Variants in BLOC1S3 observed in about 807,000 individuals in gnomAD.
The protein encoded by BLOC1S3 is biogenesis of lysosome-related organelles complex 1 subunit 3.
In BLOC1S3, 7 loss-of-function variants were observed where a neutral mutation model predicts 9.1. The observed-to-expected ratio is 0.77, with a 90% confidence interval of 0.44 to 1.45. The LOEUF (loss-of-function observed/expected upper bound fraction) is 1.45, where lower values mean the gene tolerates loss of function less well. BLOC1S3 is among the 40% of genes most tolerant of loss of function. BLOC1S3 has a pLI of 0.01. For missense variants in BLOC1S3, 307 were observed against 315.2 expected (o/e 0.97, Z 0.20); for synonymous variants, 145 against 158.4 (o/e 0.92, Z 0.64).
Position 45,179,230 on chromosome 19 carries a change from G to C in BLOC1S3, c.-9-58G>C. The C allele has an allele frequency of 7.0e-7, 1 of 1,436,522 alleles. No individual in the cohort carries two copies. The highest frequency in any genetic ancestry group is 9.1e-7 in the Non-Finnish European group (1 of 1,097,974). 89.0% of individuals were successfully genotyped at this position (1,436,522 alleles called of 1,614,324 possible). ...AAGGGGCTGGGAATCCAGGACCTGC[G>C]CCTTTTACCCACCGCGGCGCCGGTC... On this transcript the variant is annotated intron_variant, in intron 1 of 1. Transcript: ENST00000433642. The surrounding 1 kb of genome is among the most constrained non-coding windows in gnomAD (Gnocchi z 4.6).
At chr19:45,190,233 T>G (rs12972031) in intron 2 of BLOC1S3, among the ~76,000 whole-genome samples, 55,277 of 150,888 alleles carry the variant, frequency 0.37, 11,013 homozygotes, top group Admixed American at 0.44. Flanking sequence ...ATTTTTCAAC[T>G]CCAGAACTTC....
chr19:45,194,465 G>A (rs977453211), intron 2 of BLOC1S3, among the ~76,000 whole-genome samples: 3 of 152,040 alleles, frequency 2.0e-5, no homozygotes, highest in Non-Finnish European at 2.9e-5. Flanking sequence ...ATACACCCGC[G>A]ATCGTTCCAT....
At chr19:45,207,672 G>GAATT (rs1969738279) in intron 3 of BLOC1S3, among the ~76,000 whole-genome samples, 2 of 151,382 alleles carry the variant, frequency 1.3e-5, no homozygotes, top group South Asian at 4.2e-4. Context: ...AGGAGGTGGA[G>GAATT]GTTGCAGAGA....
intron 2 of BLOC1S3, among the ~76,000 whole-genome samples, chr19:45,193,225 T>G (rs909746095): frequency 6.6e-5 from 10 of 151,514 alleles, no homozygotes; most frequent in Admixed American, 6.6e-4. Context: ...CCAGGTACTG[T>G]GTTCGCTCAC....
intron 2 of BLOC1S3, among the ~76,000 whole-genome samples, chr19:45,191,578 G>A (rs1969607601): frequency 6.6e-6 from 1 of 152,288 alleles, no homozygotes; most frequent in Non-Finnish European, 1.5e-5. Context: ...GGCTTTCCAG[G>A]TATTGAAAAG....
At chr19:45,183,030 G>A (rs1406769571), downstream of BLOC1S3, among the ~76,000 whole-genome samples, 1 of 152,144 alleles carries the variant, frequency 6.6e-6, no homozygotes, top group African/African-American at 2.4e-5. Context: ...GCATATGCGA[G>A]GGCCCTGAGG....
chr19:45,209,966 G>A (rs1001963481), intron 3 of BLOC1S3, among the ~76,000 whole-genome samples: 3 of 151,706 alleles, frequency 2.0e-5, no homozygotes, highest in African/African-American at 2.4e-5. Flanking sequence ...TCCTGACCTC[G>A]TGATCCGCCC....
At chr19:45,207,516 T>A in intron 3 of BLOC1S3, among the ~76,000 whole-genome samples, 1 of 124,992 alleles carries the variant, frequency 8.0e-6, no homozygotes, top group African/African-American at 3.0e-5. Context: ...GCTACTGCAC[T>A]CCACACTCCA....
intron 3 of BLOC1S3, among the ~76,000 whole-genome samples, chr19:45,206,462 T>TTTTTTTTTTTG (rs1969727985): frequency 2.6e-5 from 3 of 115,446 alleles, no homozygotes; most frequent in African/African-American, 3.6e-5. Context: ...TTTTTTTTTT[T>TTTTTTTTTTTG]TTTTTTTTTT....
chr19:45,212,902 T>G (rs1208789812), intron 3 of BLOC1S3: 2 of 727,480 alleles, frequency 2.7e-6, no homozygotes, highest in African/African-American at 1.9e-5. Context: ...GCCTGGCGTT[T>G]GTTTCCCTTC....
intron 2 of BLOC1S3, among the ~76,000 whole-genome samples, chr19:45,194,920 A>G (rs930298408): frequency 4.7e-5 from 7 of 149,270 alleles, no homozygotes; most frequent in Non-Finnish European, 8.9e-5. Flanking sequence ...GAACTCTGGT[A>G]TGTGTGTTAT....
intron 3 of BLOC1S3, among the ~76,000 whole-genome samples, chr19:45,210,717 CCT>C (rs932607292): frequency 6.6e-6 from 1 of 152,268 alleles, no homozygotes; most frequent in African/African-American, 2.4e-5. Flanking sequence ...GATCCTCCCA[CCT>C]CTGTGTCCCA....
intron 2 of BLOC1S3, among the ~76,000 whole-genome samples, chr19:45,200,174 T>C (rs1236047083): frequency 2.0e-5 from 3 of 146,342 alleles, no homozygotes; most frequent in African/African-American, 7.6e-5. Context: ...TTGAATTTTT[T>C]CTACTTAATT....
At chr19:45,194,721 A>G (rs2122913809) in intron 2 of BLOC1S3, among the ~76,000 whole-genome samples, 1 of 152,286 alleles carries the variant, frequency 6.6e-6, no homozygotes, top group African/African-American at 2.4e-5. Flanking sequence ...CACATACCGT[A>G]TGATTCCACT....
At chr19:45,198,607 T>A (rs1969667010) in intron 2 of BLOC1S3, among the ~76,000 whole-genome samples, 1 of 152,192 alleles carries the variant, frequency 6.6e-6, no homozygotes, top group Non-Finnish European at 1.5e-5. Context: ...TTCATCACTT[T>A]CAATATGTCG....
At chr19:45,193,369 T>C (rs1009633991) in intron 2 of BLOC1S3, among the ~76,000 whole-genome samples, 1 of 152,094 alleles carries the variant, frequency 6.6e-6, no homozygotes, top group Non-Finnish European at 1.5e-5. Context: ...ATCTCTTTAT[T>C]GATTTTCTCA....
Position 45,179,716 on chromosome 19 carries a change from C to CGCCCTGGCTAGTAGGCTGGCGGCA in BLOC1S3, c.425_448dup (p.Leu142_Ala149dup). The CGCCCTGGCTAGTAGGCTGGCGGCA allele has an allele frequency of 6.9e-7, 1 of 1,456,552 alleles. No homozygotes were observed. The highest frequency in any genetic ancestry group is 9.0e-7 in the Non-Finnish European group (1 of 1,111,312). The allele number at this position is 1,456,552 out of a possible 1,614,324, so 90.2% of individuals were successfully genotyped here. On this transcript the variant is annotated inframe_insertion, in exon 2 of 2. Coordinates refer to ENST00000433642, the MANE Select transcript of BLOC1S3 (RefSeq NM_212550.5). The surrounding 1 kb of genome is among the most constrained non-coding windows in gnomAD (Gnocchi z 4.6). ...ACCGCCGTGCAGGCCGCGACGTGGCCGCCCTGGCTAGTAGGCTGGCGGCAG... is the reference window on the plus strand; with the variant it reads ...ACCGCCGTGCAGGCCGCGACGTGGCCGCCCTGGCTAGTAGGCTGGCGGCAGCCCTGGCTAGTAGGCTGGCGGCAG...
At chr19:45,188,262 A>G (rs938161381) in intron 2 of BLOC1S3, among the ~76,000 whole-genome samples, 1 of 152,184 alleles carries the variant, frequency 6.6e-6, no homozygotes, top group Non-Finnish European at 1.5e-5. Context: ...ACCTCAGGTG[A>G]TCTGCCTGCC....
downstream of BLOC1S3, among the ~76,000 whole-genome samples, chr19:45,183,278 G>A (rs1453554722): frequency 6.6e-6 from 1 of 151,930 alleles, no homozygotes; most frequent in Non-Finnish European, 1.5e-5. Flanking sequence ...TCAGGAGTTC[G>A]AGACCAGCCT....
Sources: allele counts gnomAD v4.1 joint callset (sites outside exome capture counted in the v4.1 genomes callset), GRCh38; gene constraint gnomAD v4.1.1; non-coding constraint Gnocchi (gnomAD v3.1); transcripts MANE v1.5; gene names NCBI Gene and HGNC (gene_info 2026-07-23, HGNC 2026-07-21).